The following USP40 variants were observed in gnomAD, a reference collection of about 807,000 sequenced individuals.
USP40 encodes the protein ubiquitin specific peptidase 40.
Under a neutral mutation model 166.2 loss-of-function variants are expected in USP40, and 143 were observed. That is an observed-to-expected ratio of 0.86 (90% CI 0.75 to 0.99). USP40 has a LOEUF of 0.99. Among genes scored for constraint, USP40 ranks in the 50% least tolerant of loss-of-function variants. The pLI, the probability that USP40 is intolerant of heterozygous loss-of-function variation, is 0.00. For synonymous variants in USP40, 498 were observed against 524.0 expected (o/e 0.95, Z 0.68); for missense variants, 1,444 against 1,479.7 (o/e 0.98, Z 0.40).
At chr2:233,483,150 T>C (rs1052563674) in intron 30 of USP40, among the ~76,000 whole-genome samples, 3 of 152,238 alleles carry the variant, frequency 2.0e-5, no homozygotes, top group African/African-American at 7.2e-5. Flanking sequence ...TCACTTCTAA[T>C]GTAATGAAAT....
At chr2:233,511,877 C>A in intron 19 of USP40, 80 bp from the exon 20 acceptor site, 1 of 1,156,262 alleles carries the variant, frequency 8.6e-7, no homozygotes, top group Non-Finnish European at 1.2e-6. Context: ...ATCAGTATTT[C>A]TTTGAAAATC....
intron 21 of USP40, among the ~76,000 whole-genome samples, chr2:233,502,748 C>T (rs141019761): frequency 6.6e-6 from 1 of 152,208 alleles, no homozygotes; most frequent in East Asian, 1.9e-4. Flanking sequence ...ATTGAGGCAA[C>T]TGCACACATC....
chr2:233,511,320 G>A (rs2066817494), intron 20 of USP40, among the ~76,000 whole-genome samples: 1 of 152,148 alleles, frequency 6.6e-6, no homozygotes, highest in African/African-American at 2.4e-5. Context: ...CTGAGTGTTA[G>A]ACTTACTATT....
At chr2:233,503,309 GTA>G (rs1335315644) in intron 21 of USP40, among the ~76,000 whole-genome samples, 1 of 152,158 alleles carries the variant, frequency 6.6e-6, no homozygotes, top group Non-Finnish European at 1.5e-5. Flanking sequence ...TTTTCTCATT[GTA>G]GAAGTGCCAG....
Position 233,524,489 on chromosome 2 carries a change from T to C in USP40, c.1881+3A>G, listed in dbSNP as rs775940064. On this transcript the variant is annotated splice_donor_region_variant and intron_variant, in intron 15 of 31. Coordinates refer to ENST00000678225, the MANE Select transcript of USP40 (RefSeq NM_001365479.2). ...CGAATATTTCTTCAGTAATTTTTTT[T>C]ACCTCCACCCCATTCCACACAAAGA... The C allele has an allele frequency of 1.9e-6, 3 of 1,602,118 alleles. No individual in the cohort carries two copies. The highest frequency in any genetic ancestry group is 2.6e-6 in the Non-Finnish European group (3 of 1,175,108).
intron 22 of USP40, 30 bp from the exon 23 acceptor site, chr2:233,498,642 A>G (rs1400909071): frequency 6.2e-7 from 1 of 1,600,414 alleles, no homozygotes; most frequent in Admixed American, 1.7e-5. Context: ...GGGATAAAAA[A>G]AATTCAAAGT....
chr2:233,506,609 AG>A (rs1295217790), intron 21 of USP40, among the ~76,000 whole-genome samples: 1 of 152,020 alleles, frequency 6.6e-6, no homozygotes, highest in Non-Finnish European at 1.5e-5. Flanking sequence ...AATCTAACAA[AG>A]GGAGCTGGGC....
chr2:233,538,047 G>T (rs1432669077), intron 10 of USP40, among the ~76,000 whole-genome samples: 1 of 152,062 alleles, frequency 6.6e-6, no homozygotes, highest in Non-Finnish European at 1.5e-5. Context: ...TTATACTATT[G>T]TAAGCATCTT....
At chr2:233,488,404 TG>T (rs1245109721) in intron 27 of USP40, 100 bp from the exon 28 acceptor site, 1 of 1,161,182 alleles carries the variant, frequency 8.6e-7, no homozygotes, top group East Asian at 2.6e-5. Flanking sequence ...AGCAAAGAAT[TG>T]TTTTCTGAGT....
intron 30 of USP40, among the ~76,000 whole-genome samples, chr2:233,482,356 T>A (rs1228155045): frequency 1.3e-5 from 2 of 149,714 alleles, no homozygotes; most frequent in Non-Finnish European, 3.0e-5. Context: ...AGAGTGAGAC[T>A]CTGTCTCAAA....
Position 233,565,472 on chromosome 2 carries a change from GCTTTAGT to G in USP40, c.76_82del (p.Thr26LeufsTer13). 6.5e-7 allele frequency: 1 copy of G among 1,537,214 alleles called. No individual in the cohort carries two copies. The highest frequency in any genetic ancestry group is 1.2e-5 in the South Asian group (1 of 84,058). ...TTCTCTAGGAGCAGGTGGCTCCAAA[GCTTTAGT>G]CTTTAATTTCTTCCCTTTTCCATAC... On this transcript the variant is annotated frameshift_variant, in exon 2 of 32. Coordinates refer to ENST00000678225, the MANE Select transcript of USP40 (RefSeq NM_001365479.2). LOFTEE classifies it high-confidence loss of function.
intron 7 of USP40, among the ~76,000 whole-genome samples, chr2:233,549,595 T>C (rs1168348575): frequency 6.6e-6 from 1 of 152,008 alleles, no homozygotes. Context: ...CTTCGTACAA[T>C]ACCTATTTAC....
At chr2:233,525,930 T>C (rs1183197534) in intron 13 of USP40, among the ~76,000 whole-genome samples, 1 of 152,198 alleles carries the variant, frequency 6.6e-6, no homozygotes, top group African/African-American at 2.4e-5. Context: ...ATTAGCAATG[T>C]TGAGGGAAAT....
chr2:233,500,616 A>G (rs958560592), intron 21 of USP40, among the ~76,000 whole-genome samples: 1 of 152,156 alleles, frequency 6.6e-6, no homozygotes, highest in Non-Finnish European at 1.5e-5. Flanking sequence ...GGCAAAAAAA[A>G]CCCCACCAAA....
chr2:233,485,774 G>A lies in USP40; in HGVS notation c.3401C>T (p.Ser1134Phe), dbSNP rs1034189895. The change falls in exon 29 of 32, where the codon TCT (serine) becomes TTT (phenylalanine). Residue 1134 changes from serine (S) to phenylalanine (F), a missense_variant. Coordinates refer to ENST00000678225, the MANE Select transcript of USP40 (RefSeq NM_001365479.2). ...FPEKFEWLPI[S>F]SWNQQITKRK... Reference sequence around the variant, plus strand: ...ACAGCCCCACAACTTTACCCAGCTAGATATCGGAAGCCACTCGAACTTTTC... The same window carrying A: ...ACAGCCCCACAACTTTACCCAGCTAAATATCGGAAGCCACTCGAACTTTTC... 1 of 1,613,084 alleles carries A rather than the reference G, an allele frequency of 6.2e-7. No homozygotes were observed.
intron 11 of USP40, 90 bp from the exon 12 acceptor site, chr2:233,529,602 A>AG (rs1488270021): frequency 2.8e-5 from 18 of 648,470 alleles, no homozygotes; most frequent in Non-Finnish European, 4.1e-5. Context: ...GGACTGTCCT[A>AG]GGAGCTAGGA....
chr2:233,562,560 T>A (rs199825559), intron 3 of USP40, among the ~76,000 whole-genome samples, 176 bp downstream of exon 3: 70 of 109,448 alleles, frequency 6.4e-4, no homozygotes, highest in Admixed American at 4.6e-3. Context: ...CTCTGGGGAC[T>A]GTTGTGGGTT....
chr2:233,515,613 G>C (rs972233048), intron 18 of USP40, among the ~76,000 whole-genome samples: 1 of 151,664 alleles, frequency 6.6e-6, no homozygotes, highest in Non-Finnish European at 1.5e-5. Context: ...TCAAATATGT[G>C]TTTCATAAAT....
At position 233,556,975 on chromosome 2, in the gene USP40, G is replaced by A. The variant is rs919021644; in HGVS notation, c.426C>T (p.Phe142=). 6.2e-7 allele frequency: 1 copy of A among 1,613,904 alleles called. No individual in the cohort carries two copies. The highest frequency in any genetic ancestry group is 8.5e-7 in the Non-Finnish European group (1 of 1,179,838). ...CAACTAAAGAAGTTTCCAAAGCGCT[G>A]AAGAGGATTCGATTCAGTTCCTGCA... The part of the protein sequence containing the change: ...HDVQELNRIL[F]SALETSLVGT... The change falls in exon 5 of 32, where the codon TTC becomes TTT. Residue 142 remains phenylalanine (F), a synonymous_variant. Coordinates refer to ENST00000678225, the MANE Select transcript of USP40 (RefSeq NM_001365479.2).
Sources: allele counts gnomAD v4.1 joint callset (sites outside exome capture counted in the v4.1 genomes callset), GRCh38; gene constraint gnomAD v4.1.1; transcripts MANE v1.5; gene names NCBI Gene and HGNC (gene_info 2026-07-23, HGNC 2026-07-21).